The following DLC1 variants were observed in gnomAD, a reference collection of about 807,000 sequenced individuals.
The protein encoded by DLC1 is DLC1 Rho GTPase activating protein.
Under a neutral mutation model 140.3 loss-of-function variants are expected in DLC1, and 54 were observed. The observed-to-expected ratio is 0.38, with a 90% CI of 0.31 to 0.48. The LOEUF is 0.48. Among genes scored for constraint, DLC1 ranks in the 20% least tolerant of loss-of-function variants. The pLI, the probability that DLC1 is intolerant of heterozygous loss-of-function variation, is 0.96. For synonymous variants in DLC1, 986 were observed against 728.1 expected, an observed-to-expected ratio of 1.35 and a Z score of -5.70; for missense variants, 2,536 against 1,907.0, an observed-to-expected ratio of 1.33 and a Z score of -6.14.
intron 2 of DLC1, among the ~76,000 whole-genome samples, chr8:13,434,022 A>ATTTTG (rs915460004): frequency 9.9e-5 from 15 of 152,166 alleles, no homozygotes; most frequent in East Asian, 9.7e-4. Context: ...TGCCCGGCTA[A>ATTTTG]TTTTGTTTTG....
chr8:13,367,853 A>C (rs1357349469), intron 4 of DLC1, among the ~76,000 whole-genome samples: 1 of 152,198 alleles, frequency 6.6e-6, no homozygotes, highest in Admixed American at 6.5e-5. Context: ...ACATTTGCAA[A>C]TGAGGATGAG....
At chr8:13,213,606 A>G (rs941531718) in intron 5 of DLC1, among the ~76,000 whole-genome samples, 3 of 152,328 alleles carry the variant, frequency 2.0e-5, no homozygotes, top group Admixed American at 2.0e-4. Context: ...CGGCGAAAGA[A>G]ACCACATAGC....
At chr8:13,364,142 A>G (rs1191211235) in intron 4 of DLC1, among the ~76,000 whole-genome samples, 1 of 152,158 alleles carries the variant, frequency 6.6e-6, no homozygotes, top group African/African-American at 2.4e-5. Context: ...GCCAGAGAAC[A>G]ACTAAGAAGA....
chr8:13,228,657 A>G (rs1019858), intron 5 of DLC1, among the ~76,000 whole-genome samples: 96,638 of 152,096 alleles, frequency 0.64, 31,369 homozygotes, highest in East Asian at 0.77. Context: ...GGCTGAGGCA[A>G]GAAGATTGCT....
At chr8:13,375,504 T>C (rs1385573220) in intron 4 of DLC1, among the ~76,000 whole-genome samples, 1 of 152,192 alleles carries the variant, frequency 6.6e-6, no homozygotes, top group Non-Finnish European at 1.5e-5. Context: ...CTTTATTTCT[T>C]TCTCCTGCCT....
chr8:13,256,301 C>T (rs1222257151), intron 5 of DLC1, among the ~76,000 whole-genome samples: 1 of 152,140 alleles, frequency 6.6e-6, no homozygotes, highest in Non-Finnish European at 1.5e-5. Flanking sequence ...ATTGCAAGAA[C>T]AATGACTTTT....
intron 5 of DLC1, among the ~76,000 whole-genome samples, chr8:13,190,996 G>A (rs1826719906): frequency 6.6e-6 from 1 of 151,938 alleles, no homozygotes; most frequent in South Asian, 2.1e-4. Flanking sequence ...TGTGTTTGGG[G>A]GAGTGCTGGG....
intron 5 of DLC1, among the ~76,000 whole-genome samples, chr8:13,295,942 GTTTT>G (rs71207138): frequency 4.0e-4 from 29 of 72,898 alleles, no homozygotes; most frequent in African/African-American, 1.6e-3. Flanking sequence ...AAGATTCTTT[GTTTT>G]TTTTTTTTTT....
chr8:13,560,966 A>T (rs1366429257), intron 1 of DLC1, among the ~76,000 whole-genome samples: 1 of 152,088 alleles, frequency 6.6e-6, no homozygotes, highest in Non-Finnish European at 1.5e-5. Flanking sequence ...CACTGAGATT[A>T]TATATATATT....
chr8:13,377,622 A>G (rs1836060906), intron 4 of DLC1, among the ~76,000 whole-genome samples: 1 of 152,100 alleles, frequency 6.6e-6, no homozygotes, highest in Non-Finnish European at 1.5e-5. Flanking sequence ...TTTCCTGTGC[A>G]TTTACTGTGC....
At chr8:13,326,517 A>G (rs1179293677) in intron 4 of DLC1, among the ~76,000 whole-genome samples, 2 of 152,118 alleles carry the variant, frequency 1.3e-5, no homozygotes, top group East Asian at 1.9e-4. Flanking sequence ...CCCTACCCCA[A>G]CTGGAGCCAG....
In DLC1 at chr8:13,098,476, C is replaced by A. The variant is rs1818697874; in HGVS notation, c.3090G>T (p.Leu1030=). 1.9e-6 allele frequency: 3 copies of A among 1,614,056 alleles called. No homozygotes were observed. Among genetic ancestry groups the A allele is most frequent in the Non-Finnish European group, 2.5e-6 (3 of 1,180,034 alleles). ...INCQSVAQMN[L]LQKYSLLKLT... is the part of the protein sequence containing the mutation. ...GCTTTAGGAGTGAGTATTTCTGCAG[C>A]AGGTTCATCTGGGCCACAGACTGGC... The change falls in exon 10 of 18, where the codon CTG becomes CTT. Residue 1030 remains leucine (L), a synonymous_variant. Transcript: ENST00000276297.
rs548134277 is a variant in DLC1 at position 13,191,139 on chromosome 8, T to A, written c.1349-75482A>T. Among the ~76,000 whole-genome samples, 6 of 152,100 alleles carry A rather than the reference T, an allele frequency of 3.9e-5. No homozygotes were observed. In the South Asian group the frequency reaches 8.3e-4, roughly 21 times the overall value. ...ACTGGTAATAGCAAAGAAAGTGGAG[T>A]TCCTGAGGCCTCTTCGTAGCCACAT... On this transcript the variant is annotated intron_variant, in intron 5 of 17. Transcript: ENST00000276297.
At chr8:13,373,263 C>A (rs1364925019) in intron 4 of DLC1, among the ~76,000 whole-genome samples, 1 of 152,156 alleles carries the variant, frequency 6.6e-6, no homozygotes, top group Non-Finnish European at 1.5e-5. Flanking sequence ...TGACCACATT[C>A]ATTAGTGTCA....
At chr8:13,246,148 C>G (rs1398632129) in intron 5 of DLC1, among the ~76,000 whole-genome samples, 1 of 152,098 alleles carries the variant, frequency 6.6e-6, no homozygotes, top group Non-Finnish European at 1.5e-5. Context: ...ACACTTCCAC[C>G]TAGAACTGAG....
intron 5 of DLC1, among the ~76,000 whole-genome samples, chr8:13,251,085 G>C (rs571730750): frequency 1.8e-4 from 28 of 152,180 alleles, no homozygotes; most frequent in African/African-American, 2.4e-4. Context: ...CTGGCTTATA[G>C]ACAGCCACCT....
At position 13,468,811 on chromosome 8, in the gene DLC1, C is replaced by CTTTTTTTTTT. The variant is rs78775803; in HGVS notation, c.1023+30228_1023+30237dup. ...GTTGATTCTCCCAATTTTATGTCTG[C>CTTTTTTTTTT]TTTTTTTTTTTTTTTTTTTTTTTTT... On this transcript the variant is annotated intron_variant, in intron 2 of 17. Coordinates refer to ENST00000276297, the MANE Select transcript of DLC1 (RefSeq NM_182643.3). 1.1e-3 allele frequency among the ~76,000 whole-genome samples: 102 copies of CTTTTTTTTTT among 89,954 alleles called. 26 individuals are homozygous for CTTTTTTTTTT. Among genetic ancestry groups the CTTTTTTTTTT allele is most frequent in the East Asian group, 8.3e-3 (20 of 2,398 alleles). The allele number at this position is 89,954 out of a possible 152,430, so 59.0% of individuals were successfully genotyped here. A position where few individuals can be genotyped will look rare whatever the true frequency, so the allele number is the denominator to read the frequency against.
At chr8:13,327,248 C>T in intron 4 of DLC1, among the ~76,000 whole-genome samples, 1 of 147,998 alleles carries the variant, frequency 6.8e-6, no homozygotes, top group East Asian at 2.0e-4. Context: ...GCTGGGATTA[C>T]AGGCGTGAGC....
At chr8:13,165,766 A>G (rs115199208) in intron 5 of DLC1, among the ~76,000 whole-genome samples, 4,266 of 152,234 alleles carry the variant, frequency 0.028, 98 homozygotes, top group African/African-American at 0.061. Context: ...ATGAGTGGCA[A>G]TGATTCTCTT....
Sources: gnomAD v4.1 joint callset for allele counts (sites outside exome capture counted in the v4.1 genomes callset) on GRCh38, gnomAD v4.1.1 for gene constraint, MANE v1.5 for transcripts, NCBI Gene and HGNC (gene_info 2026-07-23, HGNC 2026-07-21) for gene names.